ZNF445: variants seen among roughly 807,000 people sequenced by gnomAD.
ZNF445 encodes zinc finger protein 445.
In ZNF445, 19 loss-of-function variants were observed where a neutral mutation model predicts 93.9. The observed-to-expected ratio is 0.20, with a 90% CI of 0.14 to 0.30. The LOEUF is 0.30. ZNF445 is among the 10% of genes least tolerant of loss of function. The pLI is 1.00. For missense variants in ZNF445, 1,058 were observed against 1,259.4 expected (o/e 0.84, Z 2.42); for synonymous variants, 449 against 446.3 (o/e 1.01, Z -0.08).
intron 1 of ZNF445, among the ~76,000 whole-genome samples, chr3:44,477,025 T>C (rs1037029531): frequency 6.6e-6 from 1 of 152,244 alleles, no homozygotes; most frequent in African/African-American, 2.4e-5. Flanking sequence ...AGTATGGATA[T>C]ACTTAATGTC....
intron 1 of ZNF445, among the ~76,000 whole-genome samples, chr3:44,472,130 A>G (rs1559400423): frequency 1.3e-5 from 2 of 152,264 alleles, no homozygotes; most frequent in Non-Finnish European, 2.9e-5. Context: ...AAATGCTGCT[A>G]AAGATGAAGA....
Position 44,450,906 on chromosome 3 carries a change from G to T in ZNF445, c.655C>A (p.Gln219Lys), listed in dbSNP as rs746457840. The change falls in exon 5 of 8, where the codon CAG becomes AAG. Residue 219 changes from glutamine (Q) to lysine (K), a missense_variant. By Grantham distance (53) the Gln-to-Lys change is moderately conservative (BLOSUM62 1). This residue lies in a region of ZNF445 where 657 missense variants were observed against 746.4 expected (regional missense o/e 0.88). Transcript: ENST00000396077. ...LFPREGCPGD[Q>K]VTPTRSLTAQ... ...GTCAGGGACCTGGTTGGTGTTACCT[G>T]GTCTCCCGGGCACCCCTCTCTCGGG... 16 of 1,597,202 alleles carry T rather than the reference G, an allele frequency of 1.0e-5. No individual in the cohort carries two copies. In the Admixed American group the frequency reaches 2.8e-4, roughly 28 times the overall value.
intron 1 of ZNF445, among the ~76,000 whole-genome samples, chr3:44,476,655 C>T (rs1698361463): frequency 6.6e-6 from 1 of 152,132 alleles, no homozygotes; most frequent in African/African-American, 2.4e-5. Flanking sequence ...CTTTTAAATT[C>T]GGAAGGAGAC....
intron 1 of ZNF445, among the ~76,000 whole-genome samples, chr3:44,472,613 G>A (rs1698285935): frequency 6.6e-6 from 1 of 152,154 alleles, no homozygotes; most frequent in Non-Finnish European, 1.5e-5. Context: ...AGAAAGGTTA[G>A]CTCAGCCTCT....
chr3:44,455,068 T>C, intron 3 of ZNF445, 53 bp downstream of exon 3: 11 of 1,610,200 alleles, frequency 6.8e-6, no homozygotes, highest in African/African-American at 1.3e-5. Flanking sequence ...CCAGACAAGC[T>C]GGCTCACTAG....
rs1428860590 is a variant in ZNF445, at chr3:44,433,746, T to G, written c.*12829A>C. On this transcript the variant is annotated 3_prime_UTR_variant, in exon 8 of 8. Coordinates refer to ENST00000396077, the MANE Select transcript of ZNF445 (RefSeq NM_181489.6). ...AGCATCTCCATCAGGCAGGACTGGCTTCACAGGCAGGCAGCCTGGGCAGCC... is the reference window on the plus strand; with the variant it reads ...AGCATCTCCATCAGGCAGGACTGGCGTCACAGGCAGGCAGCCTGGGCAGCC... The G allele has an allele frequency of 6.6e-6, 1 of 152,230 alleles. No individual in the cohort carries two copies. The highest frequency in any genetic ancestry group is 6.5e-5 in the Admixed American group (1 of 15,292). 9.4% of individuals were successfully genotyped at this position (152,230 alleles called of 1,614,324 possible).
At position 44,458,012 on chromosome 3, in the gene ZNF445, CA is replaced by C. The variant is rs549514697; in HGVS notation, c.-148+231del. Among the ~76,000 whole-genome samples, 359 of 94,012 alleles carry C rather than the reference CA, an allele frequency of 3.8e-3. 3 individuals carry two copies. Among genetic ancestry groups the C allele is most frequent in the African/African-American group, 0.013 (299 of 23,052 alleles). The allele number at this position is 94,012 out of a possible 152,430, so 61.7% of individuals were successfully genotyped here. A position where few individuals can be genotyped will look rare whatever the true frequency, so the allele number is the denominator to read the frequency against. ...TGGGCGACAGAATAAGACTCCGTCT[CA>C]AAAAAAAAAAAAAAAAAAGGATCAG... On this transcript the variant is annotated intron_variant, in intron 2 of 7. Transcript: ENST00000396077.
In ZNF445 at chr3:44,447,192, G is replaced by T. The variant is rs748832511; in HGVS notation, c.2479C>A (p.Pro827Thr). 4 of 1,614,062 alleles carry T rather than the reference G, an allele frequency of 2.5e-6. No individual in the cohort carries two copies. The highest frequency in any genetic ancestry group is 1.3e-5 in the African/African-American group (1 of 74,922). The change falls in exon 8 of 8, where the codon CCA becomes ACA. Residue 827 changes from proline (P) to threonine (T), a missense_variant. Pro to Thr is a conservative substitution (Grantham distance 38). Coordinates refer to ENST00000396077, the MANE Select transcript of ZNF445 (RefSeq NM_181489.6). The surrounding 1 kb of genome is among the most constrained non-coding windows in gnomAD (Gnocchi z 4.7). Reference protein sequence around the residue: ...QYDCHESEKTPNVEPKILTGE... With the variant: ...QYDCHESEKTTNVEPKILTGE... Reference sequence around the variant, plus strand: ...GTGAGGATTTTTGGCTCCACATTTGGAGTCTTTTCACTTTCATGGCAATCA... The same window carrying T: ...GTGAGGATTTTTGGCTCCACATTTGTAGTCTTTTCACTTTCATGGCAATCA...
chr3:44,466,813 A>G (rs1338374148), intron 1 of ZNF445, among the ~76,000 whole-genome samples: 1 of 152,256 alleles, frequency 6.6e-6, no homozygotes, highest in Non-Finnish European at 1.5e-5. Context: ...ATTTGTTTAA[A>G]TATGTTATCA....
chr3:44,459,429 T>C (rs73829650), intron 1 of ZNF445, among the ~76,000 whole-genome samples: 1,856 of 152,326 alleles, frequency 0.012, 35 homozygotes, highest in African/African-American at 0.043. Context: ...AATCTTTTCA[T>C]GATGACAATT....
chr3:44,459,239 T>C (rs1016074785), intron 1 of ZNF445, among the ~76,000 whole-genome samples: 3 of 152,182 alleles, frequency 2.0e-5, no homozygotes, highest in Non-Finnish European at 4.4e-5. Flanking sequence ...TATAATAAAT[T>C]GATAAATGTG....
intron 1 of ZNF445, among the ~76,000 whole-genome samples, chr3:44,477,267 C>G (rs558341351): frequency 1.3e-5 from 2 of 152,334 alleles, no homozygotes; most frequent in Admixed American, 1.3e-4. Context: ...AGGATTGCGG[C>G]TACTTTTACT....
In ZNF445 at chr3:44,447,051, C is replaced by T; in HGVS notation, c.2620G>A (p.Gly874Arg). 1 of 1,614,192 alleles carries T rather than the reference C, an allele frequency of 6.2e-7. No individual in the cohort carries two copies. The highest frequency in any genetic ancestry group is 1.3e-5 in the African/African-American group (1 of 75,026). The change falls in exon 8 of 8, where the codon GGG (glycine) becomes AGG (arginine). Residue 874 changes from glycine (G) to arginine (R), a missense_variant. Gly to Arg is a moderately radical substitution (Grantham distance 125). Transcript: ENST00000396077. This position sits in a 1 kb window ranked among gnomAD's most constrained non-coding sequence, Gnocchi z 4.7. ...GEKRYKCNLCGKSYDRNYRLV... is the reference protein window; with the variant it reads ...GEKRYKCNLCRKSYDRNYRLV... ...CGATAGTTTCTATCATAAGATTTCCCACATAGATTACATTTATAGCGCTTC... is the reference window on the plus strand; with the variant it reads ...CGATAGTTTCTATCATAAGATTTCCTACATAGATTACATTTATAGCGCTTC...
At chr3:44,477,427 A>G (rs1035846061) in intron 1 of ZNF445, among the ~76,000 whole-genome samples, 164 bp downstream of exon 1, 3 of 152,040 alleles carry the variant, frequency 2.0e-5, no homozygotes, top group Non-Finnish European at 1.5e-5. Flanking sequence ...ATACGCCCTC[A>G]GCGTGGCGGG....
At position 44,448,187 on chromosome 3, in the gene ZNF445, C is replaced by G; in HGVS notation, c.1484G>C (p.Ser495Thr). 6.2e-7 allele frequency: 1 copy of G among 1,614,200 alleles called. No homozygotes were observed. Among genetic ancestry groups the G allele is most frequent in the African/African-American group, 1.3e-5 (1 of 75,044 alleles). ...FKCSDCGRTF[S>T]HSSHLAYHQR... Reference sequence around the variant, plus strand: ...ATGATACGCAAGATGGGAGCTATGACTGAAAGTCCTTCCACAGTCACTGCA... The same window carrying G: ...ATGATACGCAAGATGGGAGCTATGAGTGAAAGTCCTTCCACAGTCACTGCA... The change falls in exon 8 of 8, where the codon AGT becomes ACT. Residue 495 changes from serine (S) to threonine (T), a missense_variant. Around this residue, in one of 3 missense-constraint regions of ZNF445, gnomAD observed 657 missense variants for 746.4 expected, o/e 0.88. Coordinates refer to ENST00000396077, the MANE Select transcript of ZNF445 (RefSeq NM_181489.6).
chr3:44,475,020 G>A (rs1347126993), intron 1 of ZNF445, among the ~76,000 whole-genome samples: 1 of 151,996 alleles, frequency 6.6e-6, no homozygotes, highest in Non-Finnish European at 1.5e-5. Context: ...ATTGTTCAAA[G>A]GGGATGGGGC....
chr3:44,474,552 T>G (rs1324267672), intron 1 of ZNF445, among the ~76,000 whole-genome samples: 3 of 152,066 alleles, frequency 2.0e-5, no homozygotes, highest in African/African-American at 7.2e-5. Flanking sequence ...AAAACAAATA[T>G]AAAACACTTC....
rs1697812016 is a variant in ZNF445, at chr3:44,441,604, G to A, written c.*4971C>T. The A allele has an allele frequency of 6.6e-6, 1 of 152,118 alleles. No homozygotes were observed. Among genetic ancestry groups the A allele is most frequent in the South Asian group, 2.1e-4 (1 of 4,826 alleles). 9.4% of individuals were successfully genotyped at this position (152,118 alleles called of 1,614,324 possible). A position where few individuals can be genotyped will look rare whatever the true frequency, so the allele number is the denominator to read the frequency against. On this transcript the variant is annotated 3_prime_UTR_variant, in exon 8 of 8. Transcript: ENST00000396077. ...TCACTCTAAGTAACATCATGTACCT[G>A]GCAGGGATTTCTATAAAGTCATAAG...
chr3:44,461,775 G>T (rs1324568347), intron 1 of ZNF445, among the ~76,000 whole-genome samples: 1 of 152,196 alleles, frequency 6.6e-6, no homozygotes, highest in Non-Finnish European at 1.5e-5. Flanking sequence ...TGTTAATTCG[G>T]TTCCCCATGC....
Sources: gnomAD v4.1 joint callset for allele counts (sites outside exome capture counted in the v4.1 genomes callset) on GRCh38, gnomAD v4.1.1 for gene constraint, gnomAD v4.1.1 regional missense constraint, Gnocchi (gnomAD v3.1) non-coding constraint, MANE v1.5 for transcripts, NCBI Gene and HGNC (gene_info 2026-07-23, HGNC 2026-07-21) for gene names.